The following RAD51B variants were observed in gnomAD, a reference collection of about 807,000 sequenced individuals.
The protein encoded by RAD51B is RAD51 paralog B.
Under a neutral mutation model 42.2 loss-of-function variants are expected in RAD51B, and 38 were observed. The ratio of observed to expected loss-of-function variants is 0.90; its 90% CI spans 0.70 to 1.18. RAD51B has a LOEUF of 1.18. Ranked by LOEUF, RAD51B falls within the 50% of genes most tolerant of loss-of-function variation. RAD51B has a pLI of 0.00. For missense variants in RAD51B, 373 were observed against 400.7 expected, an observed-to-expected ratio of 0.93 and a Z score of 0.59; for synonymous variants, 154 against 145.2, an observed-to-expected ratio of 1.06 and a Z score of -0.43.
At chr14:68,019,331 A>T (rs2075826673) in intron 7 of RAD51B, among the ~76,000 whole-genome samples, 1 of 152,182 alleles carries the variant, frequency 6.6e-6, no homozygotes, top group African/African-American at 2.4e-5. Flanking sequence ...TCAAACAAGA[A>T]GGTCAATAAT....
chr14:68,488,542 T>C (rs1883819317), intron 10 of RAD51B, among the ~76,000 whole-genome samples: 1 of 152,134 alleles, frequency 6.6e-6, no homozygotes, highest in Non-Finnish European at 1.5e-5. Flanking sequence ...CAGTACCTAA[T>C]CAAATTCCTC....
At chr14:68,415,347 C>T (rs1254121274) in intron 9 of RAD51B, among the ~76,000 whole-genome samples, 1 of 152,176 alleles carries the variant, frequency 6.6e-6, no homozygotes, top group African/African-American at 2.4e-5. Flanking sequence ...CGTCAGAGGG[C>T]ACAGGCTGGG....
intron 10 of RAD51B, among the ~76,000 whole-genome samples, chr14:68,513,911 T>C (rs997590549): frequency 6.6e-6 from 1 of 152,228 alleles, no homozygotes; most frequent in Admixed American, 6.5e-5. Flanking sequence ...GGACGTGAGA[T>C]GTAGAAGATT....
downstream of RAD51B, among the ~76,000 whole-genome samples, chr14:68,478,674 G>A (rs1237873206): frequency 1.3e-5 from 2 of 152,224 alleles, no homozygotes; most frequent in Admixed American, 1.3e-4. Context: ...GCTGTCCTCT[G>A]TAGAATCACT....
At chr14:67,951,294 A>G (rs943161770) in intron 7 of RAD51B, among the ~76,000 whole-genome samples, 5 of 150,710 alleles carry the variant, frequency 3.3e-5, no homozygotes, top group Non-Finnish European at 5.9e-5. Flanking sequence ...TGGGTCTGCA[A>G]TTGGGTGTAA....
intron 7 of RAD51B, among the ~76,000 whole-genome samples, chr14:68,176,397 A>G (rs530222188): frequency 1.3e-5 from 2 of 152,328 alleles, no homozygotes; most frequent in African/African-American, 4.8e-5. Context: ...TCAAAGACTT[A>G]GCTCTTAAAT....
At chr14:68,083,047 C>T (rs1190493099) in intron 7 of RAD51B, among the ~76,000 whole-genome samples, 1 of 152,190 alleles carries the variant, frequency 6.6e-6, no homozygotes, top group Non-Finnish European at 1.5e-5. Context: ...AGAGTTTCAA[C>T]TTTTAACCTG....
intron 5 of RAD51B, among the ~76,000 whole-genome samples, chr14:67,877,698 T>A (rs760487205): frequency 6.6e-6 from 1 of 152,170 alleles, no homozygotes; most frequent in Non-Finnish European, 1.5e-5. Context: ...AGAGACGAGG[T>A]TTCACTCAGG....
intron 7 of RAD51B, among the ~76,000 whole-genome samples, chr14:67,956,812 C>A (rs1355027974): frequency 6.6e-6 from 1 of 152,188 alleles, no homozygotes; most frequent in Non-Finnish European, 1.5e-5. Flanking sequence ...TCACTAGTTA[C>A]ATTTCAAGCA....
chr14:68,068,040 T>C (rs1359814760), intron 7 of RAD51B, among the ~76,000 whole-genome samples: 1 of 151,036 alleles, frequency 6.6e-6, no homozygotes, highest in Non-Finnish European at 1.5e-5. Context: ...ATGAAAAGGA[T>C]GTGCATTTCA....
chr14:68,030,474 C>A (rs1420135985), intron 7 of RAD51B, among the ~76,000 whole-genome samples: 1 of 152,180 alleles, frequency 6.6e-6, no homozygotes, highest in Non-Finnish European at 1.5e-5. Flanking sequence ...CCTTAAACCT[C>A]ATGAAGCAAC....
intron 4 of RAD51B, among the ~76,000 whole-genome samples, chr14:67,843,130 T>G (rs2041486906): frequency 6.6e-6 from 1 of 151,098 alleles, no homozygotes; most frequent in African/African-American, 2.5e-5. Context: ...CCTGATGCTT[T>G]CTTTTTTTTT....
intron 7 of RAD51B, among the ~76,000 whole-genome samples, chr14:68,273,605 C>G (rs1159162795): frequency 6.6e-6 from 1 of 152,212 alleles, no homozygotes; most frequent in Non-Finnish European, 1.5e-5. Flanking sequence ...CAGTGCAGAT[C>G]TATCTGTCAG....
intron 8 of RAD51B, among the ~76,000 whole-genome samples, chr14:68,324,508 G>A (rs1704420102): frequency 6.6e-6 from 1 of 152,160 alleles, no homozygotes; most frequent in Non-Finnish European, 1.5e-5. Context: ...ACTGGCCGGG[G>A]CTCAGTCTGC....
chr14:68,592,065 G>A (rs952894613), intron 10 of RAD51B, among the ~76,000 whole-genome samples: 3 of 152,102 alleles, frequency 2.0e-5, no homozygotes, highest in African/African-American at 7.2e-5. Context: ...ATCTGGTCAA[G>A]CCATTCCTTC....
intron 3 of RAD51B, among the ~76,000 whole-genome samples, chr14:67,831,815 A>G (rs1354656021): frequency 6.6e-6 from 1 of 152,120 alleles, no homozygotes; most frequent in Non-Finnish European, 1.5e-5. Context: ...AAATGCTGGG[A>G]TTACAGGCGT....
chr14:68,200,327 C>A (rs780505633), intron 7 of RAD51B, among the ~76,000 whole-genome samples: 2 of 152,184 alleles, frequency 1.3e-5, no homozygotes, highest in Non-Finnish European at 2.9e-5. Flanking sequence ...CCACTTCCTT[C>A]TTACCTCTCT....
At chr14:68,056,587 A>G (rs563340777) in intron 7 of RAD51B, among the ~76,000 whole-genome samples, 1 of 151,822 alleles carries the variant, frequency 6.6e-6, no homozygotes, top group Non-Finnish European at 1.5e-5. Context: ...TGTCTCTACT[A>G]AAATACAAAA....
chr14:68,133,616 C>A (rs533642148), intron 7 of RAD51B, among the ~76,000 whole-genome samples: 1 of 152,014 alleles, frequency 6.6e-6, no homozygotes, highest in Non-Finnish European at 1.5e-5. Context: ...GGACTACAGG[C>A]GCACACCACC....
Sources: gnomAD v4.1 joint callset for allele counts (sites outside exome capture counted in the v4.1 genomes callset) on GRCh38, gnomAD v4.1.1 for gene constraint, MANE v1.5 for transcripts, NCBI Gene and HGNC (gene_info 2026-07-23, HGNC 2026-07-21) for gene names.